Variants in LUC7L3 observed in about 807,000 individuals in gnomAD.
The protein encoded by LUC7L3 is LUC7 like 3 pre-mRNA splicing factor, also known as luc7-like protein 3.
Under a neutral mutation model 66.8 loss-of-function variants are expected in LUC7L3, and 6 were observed. The observed-to-expected ratio is 0.09, with a 90% CI of 0.05 to 0.18. LUC7L3 has a LOEUF of 0.18. Among genes scored for constraint, LUC7L3 ranks in the 10% least tolerant of loss-of-function variants. The pLI is 1.00. For synonymous variants in LUC7L3, 160 were observed against 174.7 expected (o/e 0.92, Z 0.66); for missense variants, 341 against 531.1 (o/e 0.64, Z 3.52).
At chr17:50,735,431 A>G (rs969922787) in intron 1 of LUC7L3, among the ~76,000 whole-genome samples, 28 of 152,050 alleles carry the variant, frequency 1.8e-4, no homozygotes, top group African/African-American at 6.3e-4. Flanking sequence ...TTTCAGGTTT[A>G]AATTTAACAC....
At chr17:50,742,092 G>A (rs1424641131) in intron 5 of LUC7L3, among the ~76,000 whole-genome samples, 1 of 151,974 alleles carries the variant, frequency 6.6e-6, no homozygotes, top group Non-Finnish European at 1.5e-5. Flanking sequence ...GTGTGTGTGT[G>A]TACATGTACA....
intron 1 of LUC7L3, among the ~76,000 whole-genome samples, chr17:50,734,468 T>G (rs1969848423): frequency 6.6e-6 from 1 of 151,982 alleles, no homozygotes; most frequent in Non-Finnish European, 1.5e-5. Flanking sequence ...TGCCCAGCCT[T>G]TAAAACTTTT....
At chr17:50,723,040 T>C (rs1205152901) in intron 1 of LUC7L3, 1 of 152,238 alleles carries the variant, frequency 6.6e-6, no homozygotes, top group Non-Finnish European at 1.5e-5. Flanking sequence ...TGAGTACCTT[T>C]CAGTGAGGGT....
At chr17:50,740,073 C>G (rs1230444342) in intron 2 of LUC7L3, among the ~76,000 whole-genome samples, 2 of 152,128 alleles carry the variant, frequency 1.3e-5, no homozygotes, top group African/African-American at 4.8e-5. Flanking sequence ...TCTCTTTTAA[C>G]CATATATGGT....
Position 50,754,686 on chromosome 17 carries a change from G to A in LUC7L3, c.*4025G>A, listed in dbSNP as rs1971079874. ...TCAAACACAGTCCATTCATTTTTCA[G>A]TTTGGGTTGAAACATCCTTTTCTTG... On this transcript the variant is annotated 3_prime_UTR_variant, in exon 10 of 10. Transcript: ENST00000505658. 6.6e-6 allele frequency: 1 copy of A among 151,980 alleles called. No homozygotes were observed. Among genetic ancestry groups the A allele is most frequent in the Admixed American group, 6.6e-5 (1 of 15,250 alleles). 9.4% of individuals were successfully genotyped at this position (151,980 alleles called of 1,614,324 possible). A position where few individuals can be genotyped will look rare whatever the true frequency, so the allele number is the denominator to read the frequency against.
intron 9 of LUC7L3, among the ~76,000 whole-genome samples, chr17:50,747,712 C>T (rs1330044526): frequency 1.3e-5 from 2 of 152,146 alleles, no homozygotes; most frequent in Non-Finnish European, 2.9e-5. Flanking sequence ...GCAGCACAAA[C>T]CATGGACATA....
In LUC7L3 at chr17:50,751,160, A is replaced by G; in HGVS notation, c.*499A>G. 6.8e-7 allele frequency: 1 copy of G among 1,481,224 alleles called. No homozygotes were observed. Among genetic ancestry groups the G allele is most frequent in the Non-Finnish European group, 8.9e-7 (1 of 1,120,010 alleles). The allele number at this position is 1,481,224 out of a possible 1,614,324, so 91.8% of individuals were successfully genotyped here. A position where few individuals can be genotyped will look rare whatever the true frequency, so the allele number is the denominator to read the frequency against. Reference sequence around the variant, plus strand: ...ATTAAACTGCTAGTATTTCTTTGTCAAGGATGTTTCTAGTTTTTTGCTTTA... The same window carrying G: ...ATTAAACTGCTAGTATTTCTTTGTCGAGGATGTTTCTAGTTTTTTGCTTTA... On this transcript the variant is annotated 3_prime_UTR_variant, in exon 10 of 10. Coordinates refer to ENST00000505658, the MANE Select transcript of LUC7L3 (RefSeq NM_016424.5).
At chr17:50,727,707 G>C (rs1021062477) in intron 1 of LUC7L3, among the ~76,000 whole-genome samples, 2 of 152,208 alleles carry the variant, frequency 1.3e-5, no homozygotes, top group Non-Finnish European at 2.9e-5. Flanking sequence ...TGAAGGAAGA[G>C]CTGGAGAAAA....
At chr17:50,742,074 T>G (rs539581200) in intron 5 of LUC7L3, among the ~76,000 whole-genome samples, 4 of 150,770 alleles carry the variant, frequency 2.7e-5, no homozygotes, top group South Asian at 2.1e-4. Flanking sequence ...AGACCTCGTC[T>G]TGTGTGTGTG....
At chr17:50,721,402 A>G (rs1412416334) in intron 1 of LUC7L3, among the ~76,000 whole-genome samples, 1 of 152,198 alleles carries the variant, frequency 6.6e-6, no homozygotes, top group South Asian at 2.1e-4. Context: ...TGACTCTTCA[A>G]TGATGAGGCC....
intron 7 of LUC7L3, 87 bp from the exon 8 acceptor site, chr17:50,745,633 G>T (rs1193994909): frequency 1.3e-5 from 13 of 996,614 alleles, no homozygotes; most frequent in Non-Finnish European, 1.8e-5. Flanking sequence ...CCATAAGTTG[G>T]TCTACAGATA....
intron 1 of LUC7L3, among the ~76,000 whole-genome samples, chr17:50,724,581 T>C (rs1354679303): frequency 6.7e-6 from 1 of 150,234 alleles, no homozygotes; most frequent in African/African-American, 2.5e-5. Flanking sequence ...TAGTAAGGTA[T>C]TTCGTAAATC....
At chr17:50,720,449 A>G (rs1415087654) in intron 1 of LUC7L3, among the ~76,000 whole-genome samples, 1 of 152,210 alleles carries the variant, frequency 6.6e-6, no homozygotes, top group Non-Finnish European at 1.5e-5. Context: ...CCGGGGAGTA[A>G]AGGTAAATAT....
At chr17:50,740,913 TGGTAAAGCTAG>T (rs1207453514) in intron 3 of LUC7L3, among the ~76,000 whole-genome samples, 178 bp from the exon 4 acceptor site, 3 of 152,142 alleles carry the variant, frequency 2.0e-5, no homozygotes, top group Non-Finnish European at 4.4e-5. Context: ...TCCAGTACAG[TGGTAAAGCTAG>T]TGGTTAAACC....
intron 9 of LUC7L3, chr17:50,749,129 A>G: frequency 9.8e-7 from 1 of 1,015,982 alleles, no homozygotes; most frequent in South Asian, 1.4e-5. Context: ...CTCTTTGTCA[A>G]GAGAGTTTCC....
chr17:50,744,527 C>A, intron 6 of LUC7L3, 125 bp from the exon 7 acceptor site: 2 of 856,320 alleles, frequency 2.3e-6, no homozygotes, highest in South Asian at 1.9e-5. Flanking sequence ...TCCAATATTA[C>A]TGATTTGGGG....
intron 1 of LUC7L3, chr17:50,722,432 G>C (rs984032118): frequency 1.3e-5 from 2 of 151,948 alleles, no homozygotes; most frequent in Non-Finnish European, 2.9e-5. Context: ...TATTGACCTC[G>C]TGATCTGCCC....
chr17:50,752,151 C>T lies in LUC7L3; in HGVS notation c.*1490C>T, dbSNP rs1971002399. 6.3e-6 allele frequency: 8 copies of T among 1,276,318 alleles called. No homozygotes were observed. Among genetic ancestry groups the T allele is most frequent in the Non-Finnish European group, 8.1e-6 (8 of 983,684 alleles). 79.1% of individuals were successfully genotyped at this position (1,276,318 alleles called of 1,614,324 possible). A position where few individuals can be genotyped will look rare whatever the true frequency, so the allele number is the denominator to read the frequency against. ...CCAACACTTTCTCATAAAAATTGGC[C>T]TTTTACATGTTGTCTAATTATCATT... On this transcript the variant is annotated 3_prime_UTR_variant, in exon 10 of 10. Coordinates refer to ENST00000505658, the MANE Select transcript of LUC7L3 (RefSeq NM_016424.5).
At chr17:50,742,432 C>T (rs1457741247) in intron 5 of LUC7L3, among the ~76,000 whole-genome samples, 1 of 152,110 alleles carries the variant, frequency 6.6e-6, no homozygotes, top group Non-Finnish European at 1.5e-5. Flanking sequence ...GATCTCAGCT[C>T]ACTGCAACCT....
Sources: allele counts gnomAD v4.1 joint callset (sites outside exome capture counted in the v4.1 genomes callset), GRCh38; gene constraint gnomAD v4.1.1; transcripts MANE v1.5; gene names NCBI Gene and HGNC (gene_info 2026-07-23, HGNC 2026-07-21).